BRF1: variants seen among roughly 807,000 people sequenced by gnomAD.
The protein encoded by BRF1 is transcription factor IIIB 90 kDa subunit.
BRF1 carries 59 observed loss-of-function variants against 81.7 expected under a neutral mutation model. The observed-to-expected ratio is 0.72, with a 90% CI of 0.59 to 0.90. The LOEUF is 0.90. BRF1 is among the 40% of genes least tolerant of loss of function. BRF1 has a pLI of 0.00. For missense variants in BRF1, 1,050 were observed against 936.3 expected (o/e 1.12, Z -1.58); for synonymous variants, 491 against 395.6 (o/e 1.24, Z -2.86).
intron 4 of BRF1, among the ~76,000 whole-genome samples, chr14:105,253,202 T>TAGCCTGTGTGCAG (rs1351932202): frequency 5.3e-5 from 8 of 152,236 alleles, no homozygotes; most frequent in African/African-American, 1.9e-4. Flanking sequence ...ACAAGGACTC[T>TAGCCTGTGTGCAG]AGCCTGTGTG....
intron 5 of BRF1, chr14:105,242,687 A>T (rs1264342545): frequency 7.3e-6 from 1 of 137,208 alleles, no homozygotes; most frequent in Non-Finnish European, 1.5e-5. Context: ...GTGAGCTGAG[A>T]TCGCAGCATT....
At chr14:105,229,364 T>A (rs977475730) in intron 6 of BRF1, among the ~76,000 whole-genome samples, 3 of 152,202 alleles carry the variant, frequency 2.0e-5, no homozygotes, top group Non-Finnish European at 4.4e-5. Flanking sequence ...GGAGATCATG[T>A]GTGCAGATGG....
intron 1 of BRF1, among the ~76,000 whole-genome samples, chr14:105,299,295 G>A (rs191668480): frequency 6.0e-4 from 92 of 152,080 alleles, no homozygotes; most frequent in African/African-American, 2.1e-3. Context: ...TGAGAGTCAG[G>A]GTGTGGTGGC....
chr14:105,302,913 G>T (rs2058082826), upstream of BRF1, among the ~76,000 whole-genome samples: 1 of 151,888 alleles, frequency 6.6e-6, no homozygotes, highest in African/African-American at 2.4e-5. Flanking sequence ...TTACAGGCAT[G>T]AGCCACTGCT....
Position 105,219,133 on chromosome 14 carries a change from T to C in BRF1, c.1459+18A>G, listed in dbSNP as rs2141452972. 1 of 1,612,642 alleles carries C rather than the reference T, an allele frequency of 6.2e-7. No homozygotes were observed. Among genetic ancestry groups the C allele is most frequent in the Non-Finnish European group, 8.5e-7 (1 of 1,178,862 alleles). ...GGACTGTGCGTCCTGCGTGTGAGTG[T>C]GGGCGGGTGGCGCTTACCCCTCTGT... On this transcript the variant is annotated intron_variant, in intron 13 of 17. Transcript: ENST00000547530.
intron 1 of BRF1, among the ~76,000 whole-genome samples, chr14:105,289,643 T>TA (rs1233489467): frequency 1.4e-5 from 2 of 148,028 alleles, no homozygotes; most frequent in Non-Finnish European, 3.0e-5. Flanking sequence ...GTGTGTATTC[T>TA]TTTTTTTTTT....
At chr14:105,261,761 GC>G (rs1360605967) in intron 3 of BRF1, among the ~76,000 whole-genome samples, 2 of 152,242 alleles carry the variant, frequency 1.3e-5, no homozygotes, top group African/African-American at 4.8e-5. Context: ...GGCCGGCAGG[GC>G]CCCACCCTGA....
intron 5 of BRF1, chr14:105,247,029 T>A: frequency 1.0e-6 from 1 of 985,468 alleles, no homozygotes; most frequent in Non-Finnish European, 1.2e-6. Context: ...GTCTCCACTC[T>A]GGCCATTTGT....
rs2056642243 is a variant in BRF1, at chr14:105,271,290, G to A, written c.439+1431C>T. ...CTGTCAGAGAGCAAAGGCCTGATGG[G>A]CTCACACTGCCGTGAGATTTCTGAA... On this transcript the variant is annotated intron_variant, in intron 3 of 17. Coordinates refer to ENST00000547530, the MANE Select transcript of BRF1 (RefSeq NM_001519.4). This position sits in a 1 kb window ranked among gnomAD's most constrained non-coding sequence, Gnocchi z 5.5. Among the ~76,000 whole-genome samples, 1 of 152,260 alleles carries A rather than the reference G, an allele frequency of 6.6e-6. No homozygotes were observed.
chr14:105,243,401 G>A (rs1452056024), intron 5 of BRF1, among the ~76,000 whole-genome samples: 1 of 150,854 alleles, frequency 6.6e-6, no homozygotes, highest in African/African-American at 2.5e-5. Context: ...AGTGAGCCAA[G>A]ATCATGCCAC....
At chr14:105,312,869 G>GC (rs1456279225) in intron 1 of BRF1, among the ~76,000 whole-genome samples, 1 of 152,206 alleles carries the variant, frequency 6.6e-6, no homozygotes, top group Non-Finnish European at 1.5e-5. Flanking sequence ...CCTGGCAGAA[G>GC]CATTGATGTA....
At chr14:105,266,900 CA>C (rs1320257531) in intron 3 of BRF1, among the ~76,000 whole-genome samples, 2 of 151,980 alleles carry the variant, frequency 1.3e-5, no homozygotes, top group African/African-American at 2.4e-5. Context: ...AAAAATTAGC[CA>C]GGGGTGGTGG....
At position 105,248,601 on chromosome 14, in the gene BRF1, C is replaced by G. The variant is rs1369485189; in HGVS notation, c.544+3906G>C. The G allele has an allele frequency of 1.7e-5, 16 of 961,540 alleles. No homozygotes were observed. In the African/African-American group the frequency reaches 2.8e-4, roughly 17 times the overall value. 59.6% of individuals were successfully genotyped at this position (961,540 alleles called of 1,614,324 possible). A position where few individuals can be genotyped will look rare whatever the true frequency, so the allele number is the denominator to read the frequency against. On this transcript the variant is annotated intron_variant, in intron 5 of 17. Transcript: ENST00000547530. ...GGCGGGCGGGCGGGACGGCGCCCCC[C>G]GCGGCCGGGCCTGGCCGGGCTGCGC...
In BRF1 at chr14:105,269,034, A is replaced by G. The variant is rs587724205; in HGVS notation, c.439+3687T>C. Among the ~76,000 whole-genome samples, 1 of 152,312 alleles carries G rather than the reference A, an allele frequency of 6.6e-6. No homozygotes were observed. The highest frequency in any genetic ancestry group is 2.1e-4 in the South Asian group (1 of 4,830). ...GAGGCGAGGACAGTGGCCAGAGCCA[A>G]TGCAGGTCAGCAGGGAGGGAGAAGG... On this transcript the variant is annotated intron_variant, in intron 3 of 17. Transcript: ENST00000547530. This position sits in a 1 kb window ranked among gnomAD's most constrained non-coding sequence, Gnocchi z 5.0.
chr14:105,271,119 A>G lies in BRF1; in HGVS notation c.439+1602T>C, dbSNP rs2056634507. On this transcript the variant is annotated intron_variant, in intron 3 of 17. Coordinates refer to ENST00000547530, the MANE Select transcript of BRF1 (RefSeq NM_001519.4). This position sits in a 1 kb window ranked among gnomAD's most constrained non-coding sequence, Gnocchi z 5.5. ...GAAATGAAACAGCCTGCTGGAAGCT[A>G]AAGTTCAGGTGCTGTCCCAAAGCAA... 6.6e-6 allele frequency among the ~76,000 whole-genome samples: 1 copy of G among 152,270 alleles called. No homozygotes were observed. The highest frequency in any genetic ancestry group is 2.4e-5 in the African/African-American group (1 of 41,476).
intron 1 of BRF1, among the ~76,000 whole-genome samples, chr14:105,289,369 G>A (rs2057432088): frequency 6.6e-6 from 1 of 152,206 alleles, no homozygotes; most frequent in South Asian, 2.1e-4. Context: ...ACAGAAGCTG[G>A]AGCAGGTCGC....
chr14:105,266,272 C>G (rs757744522), intron 3 of BRF1, among the ~76,000 whole-genome samples: 1 of 151,378 alleles, frequency 6.6e-6, no homozygotes, highest in African/African-American at 2.4e-5. Flanking sequence ...ACAGTGAGAC[C>G]CCATCTCTAG....
At position 105,210,287 on chromosome 14, in the gene BRF1, C is replaced by CG. The variant is rs754458444; in HGVS notation, c.*263dup. On this transcript the variant is annotated 3_prime_UTR_variant, in exon 18 of 18. Coordinates refer to ENST00000547530, the MANE Select transcript of BRF1 (RefSeq NM_001519.4). This position sits in a 1 kb window ranked among gnomAD's most constrained non-coding sequence, Gnocchi z 4.7. ...CTTGGAGGGTCCTTGGATGAGTCGA[C>CG]GGCAGGCAGCGGGACCCAGCCCTGC... is the stretch of plus-strand genomic sequence containing the variant. 5 of 506,944 alleles carry CG rather than the reference C, an allele frequency of 9.9e-6. No homozygotes were observed. Among genetic ancestry groups the CG allele is most frequent in the South Asian group, 4.2e-5 (2 of 47,150 alleles). The allele number at this position is 506,944 out of a possible 1,614,324, so 31.4% of individuals were successfully genotyped here.
intron 1 of BRF1, among the ~76,000 whole-genome samples, chr14:105,294,299 G>A (rs1045679406): frequency 3.1e-4 from 47 of 152,172 alleles, no homozygotes; most frequent in African/African-American, 1.1e-3. Context: ...GCTCAGAGGC[G>A]TCTTGGGGCC....
Sources: gnomAD v4.1 joint callset for allele counts (sites outside exome capture counted in the v4.1 genomes callset) on GRCh38, gnomAD v4.1.1 for gene constraint, Gnocchi (gnomAD v3.1) non-coding constraint, MANE v1.5 for transcripts, NCBI Gene and HGNC (gene_info 2026-07-23, HGNC 2026-07-21) for gene names.